KIAA0319: variants seen among roughly 807,000 people sequenced by gnomAD.
KIAA0319 encodes KIAA0319, also known as dyslexia-associated protein KIAA0319.
A neutral mutation model predicts 108.4 loss-of-function variants in KIAA0319; 83 were observed. That is an observed-to-expected ratio of 0.77 (90% CI 0.64 to 0.92). The LOEUF is 0.92. Ranked by LOEUF, KIAA0319 falls within the 40% of genes least tolerant of loss-of-function variation. KIAA0319 has a pLI of 0.00. For missense variants in KIAA0319, 1,195 were observed against 1,322.4 expected (o/e 0.90, Z 1.49); for synonymous variants, 484 against 510.4 (o/e 0.95, Z 0.70).
rs540539390 is a variant in KIAA0319 at position 24,602,758 on chromosome 6, G to A, written c.-105-1550C>T. Among the ~76,000 whole-genome samples the A allele has an allele frequency of 6.6e-5, 10 of 151,958 alleles. 1 individual carries two copies. Among genetic ancestry groups the A allele is most frequent in the Admixed American group, 3.3e-4 (5 of 15,264 alleles). ...GGAGCTTGCAGTGAGCCGAGATCACGCCACTGCACTCCAGCCTGGGCTACA... is the reference window on the plus strand; with the variant it reads ...GGAGCTTGCAGTGAGCCGAGATCACACCACTGCACTCCAGCCTGGGCTACA... On this transcript the variant is annotated intron_variant, in intron 1 of 20. Transcript: ENST00000378214.
At chr6:24,605,395 C>G (rs1202271676) in intron 1 of KIAA0319, among the ~76,000 whole-genome samples, 1 of 152,152 alleles carries the variant, frequency 6.6e-6, no homozygotes, top group East Asian at 1.9e-4. Context: ...TAAGACTTTC[C>G]TTACTTATTA....
Position 24,596,112 on chromosome 6 carries a change from G to A in KIAA0319, c.562C>T (p.Leu188=), listed in dbSNP as rs141467904. 53 of 1,613,634 alleles carry A rather than the reference G, an allele frequency of 3.3e-5. No homozygotes were observed. The highest frequency in any genetic ancestry group is 4.1e-5 in the Non-Finnish European group (48 of 1,179,910). ...TTGAAGGCCCCCTCGCTGCCCGGCAGTAGGCCCCAGTCCGTGTACTCGGCA... is the reference window on the plus strand; with the variant it reads ...TTGAAGGCCCCCTCGCTGCCCGGCAATAGGCCCCAGTCCGTGTACTCGGCA... ...GSAEYTDWGL[L]PGSEGAFNSS... Residue 188 remains leucine (L), a synonymous_variant, in exon 3 of 21, where the codon CTG becomes TTG. Transcript: ENST00000378214.
At chr6:24,622,517 A>T (rs1389808579) in intron 1 of KIAA0319, among the ~76,000 whole-genome samples, 1 of 152,198 alleles carries the variant, frequency 6.6e-6, no homozygotes, top group Non-Finnish European at 1.5e-5. Flanking sequence ...AAAATCAGAG[A>T]ACAAGAAAAA....
At chr6:24,631,178 G>T (rs1175521886) in intron 1 of KIAA0319, among the ~76,000 whole-genome samples, 1 of 152,208 alleles carries the variant, frequency 6.6e-6, no homozygotes, top group African/African-American at 2.4e-5. Context: ...GGGCAGCTAG[G>T]GAAGTTCTCC....
chr6:24,586,035 G>A (rs1767432236), intron 4 of KIAA0319, among the ~76,000 whole-genome samples: 1 of 152,144 alleles, frequency 6.6e-6, no homozygotes, highest in Non-Finnish European at 1.5e-5. Context: ...GTTGCAGTGA[G>A]CCAAGGTCAC....
At chr6:24,598,985 G>T (rs1770187739) in intron 2 of KIAA0319, 3 of 669,284 alleles carry the variant, frequency 4.5e-6, no homozygotes, top group Non-Finnish European at 8.3e-6. Context: ...AGCTGGAGGA[G>T]TCTCGCCTGG....
intron 1 of KIAA0319, among the ~76,000 whole-genome samples, chr6:24,642,796 G>A (rs374024843): frequency 6.6e-6 from 1 of 151,646 alleles, no homozygotes; most frequent in Non-Finnish European, 1.5e-5. Flanking sequence ...TGGGCTCACC[G>A]CAACCTCCGC....
rs199999798 is a variant in KIAA0319, at chr6:24,564,304, G to T, written c.2329C>A (p.Gln777Lys). The T allele has an allele frequency of 1.3e-5, 21 of 1,614,030 alleles. No individual in the cohort carries two copies. The African/African-American group carries it at 2.5e-4, about 19-fold the overall frequency. ...IDGSDHSVALQLTNLVEGVYT... is the reference protein window; with the variant it reads ...IDGSDHSVALKLTNLVEGVYT... ...ACCCCCTCCACCAGATTCGTAAGCT[G>T]CAGAGCCACACTGTGGTCAGAGCCA... The change falls in exon 15 of 21, where the codon CAG (glutamine) becomes AAG (lysine). Residue 777 changes from glutamine (Q) to lysine (K), a missense_variant. Transcript: ENST00000378214.
chr6:24,561,905 G>A (rs1386176959), intron 16 of KIAA0319, among the ~76,000 whole-genome samples: 2 of 152,212 alleles, frequency 1.3e-5, no homozygotes, highest in African/African-American at 2.4e-5. Context: ...GTTTCGCCAT[G>A]TTGGCCAGGC....
intron 10 of KIAA0319, among the ~76,000 whole-genome samples, chr6:24,573,516 G>A (rs542478513): frequency 3.9e-4 from 59 of 152,204 alleles, no homozygotes; most frequent in African/African-American, 1.4e-3. Flanking sequence ...AAGAAAGTTG[G>A]GTCGCATTCA....
At chr6:24,591,441 C>G (rs1394678726) in intron 3 of KIAA0319, among the ~76,000 whole-genome samples, 1 of 152,016 alleles carries the variant, frequency 6.6e-6, no homozygotes, top group Non-Finnish European at 1.5e-5. Context: ...GACTCTATCT[C>G]TACAAAAATA....
At chr6:24,615,673 C>A (rs1773051536) in intron 1 of KIAA0319, among the ~76,000 whole-genome samples, 1 of 152,224 alleles carries the variant, frequency 6.6e-6, no homozygotes, top group Admixed American at 6.5e-5. Flanking sequence ...GCCCCAAGAC[C>A]TACTCTGAAG....
intron 16 of KIAA0319, among the ~76,000 whole-genome samples, chr6:24,560,413 T>C (rs1762953461): frequency 6.6e-6 from 1 of 152,230 alleles, no homozygotes; most frequent in African/African-American, 2.4e-5. Flanking sequence ...TGTGAAGTGA[T>C]ATTTCAACAT....
intron 3 of KIAA0319, among the ~76,000 whole-genome samples, chr6:24,594,847 C>G (rs1484986649): frequency 6.6e-6 from 1 of 151,990 alleles, no homozygotes; most frequent in Non-Finnish European, 1.5e-5. Flanking sequence ...CTATACTCAG[C>G]TTCCTCTGAT....
chr6:24,559,788 G>A (rs1004898238), intron 16 of KIAA0319, among the ~76,000 whole-genome samples: 1 of 152,104 alleles, frequency 6.6e-6, no homozygotes, highest in Non-Finnish European at 1.5e-5. Context: ...TATTCACAAA[G>A]TTGCACAACC....
chr6:24,624,501 G>A (rs1201421917), intron 1 of KIAA0319, among the ~76,000 whole-genome samples: 2 of 152,062 alleles, frequency 1.3e-5, no homozygotes, highest in African/African-American at 4.8e-5. Flanking sequence ...AAAGAATGAT[G>A]AAATACATGA....
At chr6:24,595,436 A>T (rs1769331070) in intron 3 of KIAA0319, among the ~76,000 whole-genome samples, 2 of 149,638 alleles carry the variant, frequency 1.3e-5, no homozygotes, top group Non-Finnish European at 3.0e-5. Context: ...AGTCCCAGCT[A>T]CTCGGGAGGC....
chr6:24,549,859 G>A (rs769074130), intron 20 of KIAA0319, among the ~76,000 whole-genome samples: 4 of 152,106 alleles, frequency 2.6e-5, no homozygotes, highest in South Asian at 2.1e-4. Context: ...TAGCAAGTGC[G>A]GGTGTCTGGA....
At chr6:24,541,373 A>G (rs545110850), downstream of KIAA0319, among the ~76,000 whole-genome samples, 9 of 152,362 alleles carry the variant, frequency 5.9e-5, no homozygotes, top group South Asian at 8.3e-4. Flanking sequence ...CGATTGGATT[A>G]GGACCCATCT....
Sources: gnomAD v4.1 joint callset for allele counts (sites outside exome capture counted in the v4.1 genomes callset) on GRCh38, gnomAD v4.1.1 for gene constraint, MANE v1.5 for transcripts, NCBI Gene and HGNC (gene_info 2026-07-23, HGNC 2026-07-21) for gene names.